Variants in KCNH7 observed in about 807,000 individuals in gnomAD.
KCNH7 encodes voltage-gated inwardly rectifying potassium channel KCNH7.
In KCNH7, 49 loss-of-function variants were observed where a neutral mutation model predicts 120.8. The observed-to-expected ratio is 0.41, with a 90% confidence interval of 0.32 to 0.51. The LOEUF (loss-of-function observed/expected upper bound fraction) is 0.51, where lower values mean the gene tolerates loss of function less well. Among genes scored for constraint, KCNH7 ranks in the 20% least tolerant of loss-of-function variants. KCNH7 has a pLI of 0.38. For missense variants in KCNH7, 1,097 were observed against 1,446.6 expected, an observed-to-expected ratio of 0.76 and a Z score of 3.92; for synonymous variants, 547 against 516.1, an observed-to-expected ratio of 1.06 and a Z score of -0.81.
intron 2 of KCNH7, among the ~76,000 whole-genome samples, chr2:162,706,799 A>G (rs1228484365): frequency 6.6e-6 from 1 of 152,150 alleles, no homozygotes; most frequent in Non-Finnish European, 1.5e-5. Context: ...CATAGAAAAT[A>G]ATAATGTTAA....
intron 5 of KCNH7, among the ~76,000 whole-genome samples, chr2:162,511,552 A>C (rs1691074734): frequency 6.6e-6 from 1 of 151,288 alleles, no homozygotes; most frequent in African/African-American, 2.4e-5. Context: ...CAACCTGCAT[A>C]GACCCTTTTA....
chr2:162,517,456 A>T (rs183351950), intron 4 of KCNH7, among the ~76,000 whole-genome samples: 1 of 151,946 alleles, frequency 6.6e-6, no homozygotes, highest in East Asian at 2.0e-4. Context: ...TATAATAAGC[A>T]TTAATTAATT....
At chr2:162,495,744 G>A (rs1690475298) in intron 6 of KCNH7, among the ~76,000 whole-genome samples, 1 of 152,100 alleles carries the variant, frequency 6.6e-6, no homozygotes, top group Non-Finnish European at 1.5e-5. Flanking sequence ...GAACAAACCA[G>A]TGATACCCAG....
At position 162,809,577 on chromosome 2, in the gene KCNH7, A is replaced by T. The variant is rs112379621; in HGVS notation, c.307+26960T>A. Among the ~76,000 whole-genome samples the T allele has an allele frequency of 6.4e-4, 97 of 152,322 alleles. 1 individual carries two copies. Among genetic ancestry groups the T allele is most frequent in the African/African-American group, 2.3e-3 (94 of 41,578 alleles). The stretch of plus-strand genomic sequence containing the variant: ...GTAAAAAATAAATGTCAGACTTGAA[A>T]TATCAGAAATACATTTTGCTAGAAA... On this transcript the variant is annotated intron_variant, in intron 2 of 15. Transcript: ENST00000332142.
chr2:162,558,472 C>T (rs922182640), intron 2 of KCNH7, among the ~76,000 whole-genome samples: 47 of 149,808 alleles, frequency 3.1e-4, no homozygotes, highest in African/African-American at 1.1e-3. Flanking sequence ...CCGTGCCCGG[C>T]CAGGCTCTTT....
chr2:162,831,630 G>T (rs1685481936), intron 2 of KCNH7, among the ~76,000 whole-genome samples: 1 of 152,112 alleles, frequency 6.6e-6, no homozygotes, highest in Non-Finnish European at 1.5e-5. Context: ...GCCAGCAATG[G>T]ATTCAGAGAT....
At chr2:162,479,782 G>A (rs1321471272) in intron 6 of KCNH7, among the ~76,000 whole-genome samples, 1 of 152,064 alleles carries the variant, frequency 6.6e-6, no homozygotes, top group East Asian at 1.9e-4. Context: ...TTACCTACCC[G>A]AGGATGCCTT....
chr2:162,641,451 T>A (rs1467157213), intron 2 of KCNH7, among the ~76,000 whole-genome samples: 5 of 152,122 alleles, frequency 3.3e-5, no homozygotes, highest in Non-Finnish European at 7.3e-5. Flanking sequence ...GGCTCACACC[T>A]ATAATCCCAG....
chr2:162,384,244 T>G (rs1558918581), intron 13 of KCNH7, among the ~76,000 whole-genome samples: 1 of 151,988 alleles, frequency 6.6e-6, no homozygotes, highest in Non-Finnish European at 1.5e-5. Flanking sequence ...ATATTCTCTG[T>G]AAAATTAAAT....
At chr2:162,460,839 C>T (rs866059913) in intron 6 of KCNH7, among the ~76,000 whole-genome samples, 1 of 152,150 alleles carries the variant, frequency 6.6e-6, no homozygotes, top group South Asian at 2.1e-4. Context: ...GGCTAGCTAA[C>T]GTTCCAAGGT....
chr2:162,773,160 T>C (rs1019684035), intron 2 of KCNH7, among the ~76,000 whole-genome samples: 12 of 152,308 alleles, frequency 7.9e-5, no homozygotes, highest in African/African-American at 2.6e-4. Flanking sequence ...AATTTGTAAC[T>C]GTCAAATGAT....
At chr2:162,694,614 T>G (rs1686224987) in intron 2 of KCNH7, among the ~76,000 whole-genome samples, 1 of 152,156 alleles carries the variant, frequency 6.6e-6, no homozygotes, top group South Asian at 2.1e-4. Flanking sequence ...GTTATCTCAT[T>G]AGTTCATGCT....
Position 162,384,073 on chromosome 2 carries a change from T to C in KCNH7, c.2962+615A>G, listed in dbSNP as rs535220652. On this transcript the variant is annotated intron_variant, in intron 13 of 15. Transcript: ENST00000332142. ...TCTTTAAATTTTCCTGAATTTCTCA[T>C]TTTTTAGCATGAAATCTGCATCTAC... Among the ~76,000 whole-genome samples the C allele has an allele frequency of 2.0e-5, 3 of 152,032 alleles. No individual in the cohort carries two copies. The South Asian group carries it at 6.2e-4, about 32-fold the overall frequency.
intron 2 of KCNH7, among the ~76,000 whole-genome samples, chr2:162,819,436 G>A (rs999344623): frequency 3.3e-5 from 5 of 152,138 alleles, no homozygotes; most frequent in Non-Finnish European, 7.4e-5. Context: ...TAAAGCAAAT[G>A]AGGCAACTTA....
intron 2 of KCNH7, among the ~76,000 whole-genome samples, chr2:162,628,000 A>G (rs1683619568): frequency 6.6e-6 from 1 of 152,168 alleles, no homozygotes; most frequent in Non-Finnish European, 1.5e-5. Context: ...AGAATGACGA[A>G]TTATAGTTTT....
intron 10 of KCNH7, 87 bp from the exon 11 acceptor site, chr2:162,397,032 A>T (rs1055351933): frequency 2.3e-6 from 2 of 853,786 alleles, no homozygotes; most frequent in African/African-American, 1.7e-5. Flanking sequence ...TCATTAAACA[A>T]TTGATCAATC....
intron 2 of KCNH7, among the ~76,000 whole-genome samples, chr2:162,762,901 T>C (rs1450434379): frequency 6.6e-6 from 1 of 152,114 alleles, no homozygotes. Context: ...CAATATATTC[T>C]ATGAAATTAA....
At chr2:162,379,707 G>C (rs1164690045) in intron 14 of KCNH7, 146 bp downstream of exon 14, 2 of 759,496 alleles carry the variant, frequency 2.6e-6, no homozygotes, top group Non-Finnish European at 2.1e-6. Context: ...AAATTATTCT[G>C]TCAACTTCTA....
intron 6 of KCNH7, among the ~76,000 whole-genome samples, chr2:162,488,234 C>T (rs781667147): frequency 1.5e-4 from 23 of 152,318 alleles, no homozygotes; most frequent in Admixed American, 7.8e-4. Flanking sequence ...TTAAATTTTA[C>T]CTAATTTTAC....
Sources: gnomAD v4.1 joint callset for allele counts (sites outside exome capture counted in the v4.1 genomes callset) on GRCh38, gnomAD v4.1.1 for gene constraint, MANE v1.5 for transcripts, NCBI Gene and HGNC (gene_info 2026-07-23, HGNC 2026-07-21) for gene names.